Variants in TTC6 observed in about 807,000 individuals in gnomAD.
TTC6 encodes tetratricopeptide repeat protein 6.
In TTC6, 172 loss-of-function variants were observed where a neutral mutation model predicts 210.4. The observed-to-expected ratio is 0.82, with a 90% CI of 0.72 to 0.93. The LOEUF (loss-of-function observed/expected upper bound fraction) is 0.93, where lower values mean the gene tolerates loss of function less well. Among genes scored for constraint, TTC6 ranks in the 40% least tolerant of loss-of-function variants. The pLI, the probability that TTC6 is intolerant of heterozygous loss-of-function variation, is 0.00. For synonymous variants in TTC6, 804 were observed against 819.6 expected (o/e 0.98, Z 0.32); for missense variants, 2,414 against 2,318.1 (o/e 1.04, Z -0.85).
rs773271218 is a variant in TTC6, at chr14:37,656,500, GGT to G, written c.940-23639_940-23638del. 2.8e-3 allele frequency among the ~76,000 whole-genome samples: 389 copies of G among 137,274 alleles called. 1 individual carries two copies. Among genetic ancestry groups the G allele is most frequent in the African/African-American group, 0.01 (366 of 35,540 alleles). 90.1% of individuals were successfully genotyped at this position (137,274 alleles called of 152,430 possible). A position where few individuals can be genotyped will look rare whatever the true frequency, so the allele number is the denominator to read the frequency against. On this transcript the variant is annotated intron_variant, in intron 1 of 30. Coordinates refer to ENST00000553443, the Ensembl canonical transcript of TTC6. ...AGTCTATGGGTAGTTAACCTAGTCAGGTGTGTGTGTGTGCGTGTGTGTGTGTG... is the reference window on the plus strand; with the variant it reads ...AGTCTATGGGTAGTTAACCTAGTCAGGTGTGTGTGTGCGTGTGTGTGTGTG...
At chr14:37,725,173 A>G (rs2095869123) in intron 7 of TTC6, among the ~76,000 whole-genome samples, 171 bp downstream of exon 9, 1 of 150,448 alleles carries the variant, frequency 6.6e-6, no homozygotes, top group Admixed American at 6.6e-5. Flanking sequence ...ATATGTAAAT[A>G]ATTGTATGTA....
chr14:37,604,398 C>T (rs995930762), intron 1 of TTC6, among the ~76,000 whole-genome samples: 7 of 152,162 alleles, frequency 4.6e-5, no homozygotes, highest in African/African-American at 1.7e-4. Context: ...TCTTGAACCT[C>T]CTACCCTTTA....
intron 20 of TTC6, among the ~76,000 whole-genome samples, chr14:37,801,468 C>T (rs1250865097): frequency 1.3e-5 from 2 of 152,172 alleles, no homozygotes; most frequent in Non-Finnish European, 2.9e-5. Flanking sequence ...CCTCCCCTTC[C>T]TTGAGTGTGT....
intron 1 of TTC6, among the ~76,000 whole-genome samples, chr14:37,664,697 A>G (rs2095744290): frequency 6.6e-6 from 1 of 150,540 alleles, no homozygotes; most frequent in Admixed American, 6.6e-5. Flanking sequence ...AAGAAACTAT[A>G]ATCAGAGTGA....
Position 37,739,289 on chromosome 14 carries a change from A to G in TTC6, c.2363+134A>G, listed in dbSNP as rs2095910946. 4 of 961,028 alleles carry G rather than the reference A, an allele frequency of 4.2e-6. 1 individual carries two copies. 59.5% of individuals were successfully genotyped at this position (961,028 alleles called of 1,614,324 possible). A position where few individuals can be genotyped will look rare whatever the true frequency, so the allele number is the denominator to read the frequency against. ...GAACCTTTCACTCTTTGAAAGACAAACCTCTGGCTGGGCGCCGTGGCTCAT... is the reference window on the plus strand; with the variant it reads ...GAACCTTTCACTCTTTGAAAGACAAGCCTCTGGCTGGGCGCCGTGGCTCAT... On this transcript the variant is annotated intron_variant, in intron 10 of 30. Coordinates refer to ENST00000553443, the Ensembl canonical transcript of TTC6.
chr14:37,626,280 C>G (rs1323131976), intron 1 of TTC6, among the ~76,000 whole-genome samples: 1 of 152,164 alleles, frequency 6.6e-6, no homozygotes, highest in African/African-American at 2.4e-5. Context: ...GTTCACAGAC[C>G]ACTTTCCAGA....
intron 21 of TTC6, among the ~76,000 whole-genome samples, chr14:37,805,745 G>A (rs1566965498): frequency 6.6e-6 from 1 of 152,092 alleles, no homozygotes; most frequent in African/African-American, 2.4e-5. Flanking sequence ...TCTGTCGCCA[G>A]GGTGGAGTGC....
intron 14 of TTC6, among the ~76,000 whole-genome samples, chr14:37,778,929 G>A (rs572539358): frequency 6.6e-6 from 1 of 152,252 alleles, no homozygotes; most frequent in Non-Finnish European, 1.5e-5. Context: ...GGGGAGCATG[G>A]CAGACCTTGG....
intron 14 of TTC6, among the ~76,000 whole-genome samples, chr14:37,785,721 G>A (rs891060111): frequency 6.6e-6 from 1 of 152,186 alleles, no homozygotes; most frequent in African/African-American, 2.4e-5. Flanking sequence ...AGAATGTTCA[G>A]CTTTTCTGCT....
intron 8 of TTC6, among the ~76,000 whole-genome samples, chr14:37,736,868 C>T (rs906581873): frequency 6.6e-6 from 1 of 152,106 alleles, no homozygotes; most frequent in African/African-American, 2.4e-5. Context: ...GATTCTCCCA[C>T]CTCAGCCTCT....
rs2139221377 is a variant in TTC6, at chr14:37,776,229, T to C, written c.3267-11239T>C. On this transcript the variant is annotated intron_variant, in intron 14 of 30. Transcript: ENST00000553443. ...CCGCGCCCGGCTAATTTTTTGTCTT[T>C]TTAGTAGAGACGGGGTTTGGGTCTT... Among the ~76,000 whole-genome samples, 2 of 150,904 alleles carry C rather than the reference T, an allele frequency of 1.3e-5. 1 individual carries two copies. Among genetic ancestry groups the C allele is most frequent in the African/African-American group, 4.9e-5 (2 of 41,134 alleles).
At chr14:37,730,617 T>G (rs990882606) in intron 7 of TTC6, among the ~76,000 whole-genome samples, 3 of 152,224 alleles carry the variant, frequency 2.0e-5, no homozygotes, top group Admixed American at 6.5e-5. Flanking sequence ...TTTGTTTTCC[T>G]TATTATATTT....
chr14:37,841,467 C>A, exon 30 of TTC6: 1 of 1,589,166 alleles, frequency 6.3e-7, no homozygotes. Flanking sequence ...TTCTCAAAAG[C>A]TTTAAAATTT....
At chr14:37,620,851 C>T (rs566391340), upstream of TTC6, among the ~76,000 whole-genome samples, 1 of 152,316 alleles carries the variant, frequency 6.6e-6, no homozygotes, top group South Asian at 2.1e-4. Context: ...GTCAGTTTTA[C>T]CTTGCTTTGT....
At chr14:37,632,731 A>G (rs1356954114) in intron 1 of TTC6, among the ~76,000 whole-genome samples, 2 of 152,178 alleles carry the variant, frequency 1.3e-5, no homozygotes, top group African/African-American at 4.8e-5. Flanking sequence ...CGCCCCTTCC[A>G]CCAGGTGCTC....
intron 3 of TTC6, among the ~76,000 whole-genome samples, chr14:37,691,419 A>G (rs1045380478): frequency 2.0e-5 from 3 of 152,208 alleles, no homozygotes; most frequent in Non-Finnish European, 2.9e-5. Flanking sequence ...ACACATTGAA[A>G]TTAAACAATG....
chr14:37,663,373 T>C (rs550322078), intron 1 of TTC6, among the ~76,000 whole-genome samples: 1 of 152,292 alleles, frequency 6.6e-6, no homozygotes, highest in South Asian at 2.1e-4. Context: ...TATACAAAAT[T>C]AAATGACTGT....
chr14:37,707,725 G>A (rs2095838089), intron 5 of TTC6, among the ~76,000 whole-genome samples: 1 of 151,992 alleles, frequency 6.6e-6, no homozygotes. Flanking sequence ...TTTGTAGTTT[G>A]GAGACTGTCT....
chr14:37,769,013 G>A (rs1157803868), intron 14 of TTC6, among the ~76,000 whole-genome samples: 1 of 152,074 alleles, frequency 6.6e-6, no homozygotes, highest in Admixed American at 6.6e-5. Flanking sequence ...TAGCAAGAAG[G>A]GCTGTTGAAT....
Sources: gnomAD v4.1 joint callset for allele counts (sites outside exome capture counted in the v4.1 genomes callset) on GRCh38, gnomAD v4.1.1 for gene constraint, MANE v1.5 for transcripts, NCBI Gene and HGNC (gene_info 2026-07-23, HGNC 2026-07-21) for gene names.